Variants in SMYD3 observed in about 807,000 individuals in gnomAD.
The protein encoded by SMYD3 is histone-lysine N-methyltransferase SMYD3.
SMYD3 carries 36 observed loss-of-function variants against 57.7 expected under a neutral mutation model. The observed-to-expected ratio is 0.62, with a 90% CI of 0.48 to 0.82. SMYD3 has a LOEUF of 0.82. Among genes scored for constraint, SMYD3 ranks in the 40% least tolerant of loss-of-function variants. The pLI is 0.00. For missense variants in SMYD3, 515 were observed against 538.8 expected (o/e 0.96, Z 0.44); for synonymous variants, 211 against 195.0 (o/e 1.08, Z -0.68).
chr1:245,814,423 CA>C (rs1238702524), intron 10 of SMYD3: 3,230 of 851,360 alleles, frequency 3.8e-3, no homozygotes, highest in Middle Eastern at 6.0e-3. Context: ...CAACTGGGGG[CA>C]AAAAAAAAAT....
intron 5 of SMYD3, among the ~76,000 whole-genome samples, chr1:246,147,184 G>A (rs1057366194): frequency 4.0e-5 from 4 of 100,142 alleles, no homozygotes; most frequent in Non-Finnish European, 9.4e-5. Flanking sequence ...ACGCTGCCCC[G>A]GCAAACCCTA....
intron 8 of SMYD3, among the ~76,000 whole-genome samples, chr1:245,886,170 T>C (rs772663003): frequency 4.6e-5 from 7 of 152,236 alleles, no homozygotes; most frequent in Non-Finnish European, 5.9e-5. Context: ...AGGAGTTTAA[T>C]GACAAATGTG....
chr1:246,271,289 T>C (rs1558366141), intron 5 of SMYD3, among the ~76,000 whole-genome samples: 1 of 152,214 alleles, frequency 6.6e-6, no homozygotes, highest in Non-Finnish European at 1.5e-5. Flanking sequence ...TGCACCAAAT[T>C]TTTTAAATTT....
At chr1:245,959,584 T>G (rs2057946728) in intron 5 of SMYD3, among the ~76,000 whole-genome samples, 1 of 152,192 alleles carries the variant, frequency 6.6e-6, no homozygotes, top group Admixed American at 6.5e-5. Flanking sequence ...TTAAACGCCT[T>G]CCAGTGCTAA....
At chr1:245,862,533 TC>T (rs1450379854) in intron 9 of SMYD3, among the ~76,000 whole-genome samples, 1 of 152,182 alleles carries the variant, frequency 6.6e-6, no homozygotes, top group African/African-American at 2.4e-5. Context: ...GATTCTATCA[TC>T]CCACCTCTAT....
rs550820740 is a variant in SMYD3, at chr1:245,963,210, G to A, written c.532-33273C>T. ...TAGCTTAATTTAATTATTCCACATT[G>A]TATTAAAAACTCACAATACCACTTT... On this transcript the variant is annotated intron_variant, in intron 5 of 11. Coordinates refer to ENST00000490107, the MANE Select transcript of SMYD3 (RefSeq NM_001167740.2). Among the ~76,000 whole-genome samples the A allele has an allele frequency of 3.3e-3, 509 of 152,120 alleles. 6 individuals are homozygous for A. Among genetic ancestry groups the A allele is most frequent in the African/African-American group, 0.012 (480 of 41,484 alleles).
At chr1:246,063,114 C>T (rs1448654085) in intron 5 of SMYD3, among the ~76,000 whole-genome samples, 3 of 152,150 alleles carry the variant, frequency 2.0e-5, no homozygotes, top group Non-Finnish European at 4.4e-5. Flanking sequence ...CACAGTCGTA[C>T]TCACAGCTGC....
At chr1:245,936,041 G>A (rs1033136020) in intron 5 of SMYD3, among the ~76,000 whole-genome samples, 7 of 152,136 alleles carry the variant, frequency 4.6e-5, no homozygotes, top group Admixed American at 2.6e-4. Flanking sequence ...ATGCCTCACC[G>A]TAAAAAATGA....
At chr1:245,767,484 GT>G (rs1442741620) in intron 10 of SMYD3, among the ~76,000 whole-genome samples, 1 of 152,192 alleles carries the variant, frequency 6.6e-6, no homozygotes, top group Non-Finnish European at 1.5e-5. Flanking sequence ...GGTCAATATG[GT>G]GAAACCCCGT....
At chr1:246,018,479 T>C (rs2059415596) in intron 5 of SMYD3, among the ~76,000 whole-genome samples, 1 of 152,234 alleles carries the variant, frequency 6.6e-6, no homozygotes. Flanking sequence ...AGAGAAACAG[T>C]AAGAACAAGA....
intron 5 of SMYD3, chr1:246,035,546 T>C (rs2059759543): frequency 6.6e-6 from 1 of 152,196 alleles, no homozygotes; most frequent in Admixed American, 6.5e-5. Flanking sequence ...CCGAATCGCA[T>C]TAATTGGAAC....
At chr1:245,999,423 C>T (rs551847298) in intron 5 of SMYD3, among the ~76,000 whole-genome samples, 35 of 151,984 alleles carry the variant, frequency 2.3e-4, no homozygotes, top group Non-Finnish European at 4.6e-4. Flanking sequence ...TTATTATTAT[C>T]CTCATTTTAA....
intron 2 of SMYD3, among the ~76,000 whole-genome samples, chr1:246,349,323 G>T (rs2065780589): frequency 6.6e-6 from 1 of 150,634 alleles, no homozygotes; most frequent in African/African-American, 2.4e-5. Context: ...AGGGAGCAGG[G>T]GCCGGGCACA....
chr1:246,467,053 G>A (rs945210927), intron 1 of SMYD3, among the ~76,000 whole-genome samples: 20 of 151,190 alleles, frequency 1.3e-4, no homozygotes, highest in Non-Finnish European at 2.2e-4. Context: ...GCCTGTAATC[G>A]CAGCTACTTA....
intron 5 of SMYD3, among the ~76,000 whole-genome samples, chr1:246,296,240 AAG>A (rs2064792704): frequency 6.6e-6 from 1 of 152,214 alleles, no homozygotes; most frequent in Non-Finnish European, 1.5e-5. Flanking sequence ...CTCTACAGTT[AAG>A]ACTTTTCAAG....
intron 1 of SMYD3, among the ~76,000 whole-genome samples, chr1:246,498,390 G>A (rs190147724): frequency 7.7e-4 from 117 of 152,304 alleles, no homozygotes; most frequent in Non-Finnish European, 1.1e-3. Context: ...GTGATTTCCA[G>A]TAGACACAAA....
chr1:246,444,679 T>G (rs945579063), intron 1 of SMYD3, among the ~76,000 whole-genome samples: 2 of 152,170 alleles, frequency 1.3e-5, no homozygotes, highest in Admixed American at 1.3e-4. Flanking sequence ...AAACTATTTT[T>G]GCATGCAAAA....
At chr1:246,330,001 T>G (rs935147076) in intron 4 of SMYD3, among the ~76,000 whole-genome samples, 3 of 152,312 alleles carry the variant, frequency 2.0e-5, no homozygotes, top group African/African-American at 7.2e-5. Flanking sequence ...GGTGGCTACC[T>G]ACATGGTAGT....
At chr1:246,303,714 C>T (rs1310747598) in intron 5 of SMYD3, among the ~76,000 whole-genome samples, 1 of 152,156 alleles carries the variant, frequency 6.6e-6, no homozygotes, top group African/African-American at 2.4e-5. Flanking sequence ...CAGCTTGACA[C>T]ATAGGAAGCC....
Sources: allele counts gnomAD v4.1 joint callset (sites outside exome capture counted in the v4.1 genomes callset), GRCh38; gene constraint gnomAD v4.1.1; transcripts MANE v1.5; gene names NCBI Gene and HGNC (gene_info 2026-07-23, HGNC 2026-07-21).